GDAP1: variants seen among roughly 807,000 people sequenced by gnomAD.
GDAP1 encodes the protein ganglioside induced differentiation associated protein 1, also known as ganglioside-induced differentiation-associated protein 1.
Under a neutral mutation model 40.1 loss-of-function variants are expected in GDAP1, and 34 were observed. That is an observed-to-expected ratio of 0.85 (90% CI 0.64 to 1.13). GDAP1 has a LOEUF of 1.13. Ranked by LOEUF, GDAP1 falls within the 50% of genes most tolerant of loss-of-function variation. The pLI is 0.00. For missense variants in GDAP1, 374 were observed against 433.7 expected, an observed-to-expected ratio of 0.86 and a Z score of 1.22; for synonymous variants, 170 against 157.4, an observed-to-expected ratio of 1.08 and a Z score of -0.60.
intron 2 of GDAP1, among the ~76,000 whole-genome samples, chr8:74,474,311 C>G (rs529118698): frequency 2.0e-5 from 3 of 152,106 alleles, no homozygotes; most frequent in Admixed American, 6.6e-5. Flanking sequence ...TTGTTCTGGC[C>G]AGGACTTCCA....
At chr8:74,438,294 A>G (rs1806118784) in intron 2 of GDAP1, among the ~76,000 whole-genome samples, 1 of 151,402 alleles carries the variant, frequency 6.6e-6, no homozygotes, top group Non-Finnish European at 1.5e-5. Context: ...ACAACAAAAA[A>G]AGAAGGGCTG....
intron 2 of GDAP1, among the ~76,000 whole-genome samples, chr8:74,480,126 T>C (rs1032980800): frequency 5.3e-5 from 8 of 151,832 alleles, no homozygotes; most frequent in African/African-American, 1.9e-4. Context: ...GTAGCTGGGA[T>C]TATAGGCGCA....
At chr8:74,351,844 A>C (rs1402828816) in intron 2 of GDAP1, among the ~76,000 whole-genome samples, 1 of 152,342 alleles carries the variant, frequency 6.6e-6, no homozygotes, top group Admixed American at 6.5e-5. Context: ...CTTAAAAACA[A>C]GAGGGAAAAA....
chr8:74,380,820 G>T (rs1156603876), intron 2 of GDAP1, among the ~76,000 whole-genome samples: 1 of 152,150 alleles, frequency 6.6e-6, no homozygotes, highest in African/African-American at 2.4e-5. Flanking sequence ...TACACACCAT[G>T]ATTTTTCTCT....
chr8:74,366,455 C>T lies in GDAP1; in HGVS notation c.*2088C>T. On this transcript the variant is annotated 3_prime_UTR_variant, in exon 6 of 6. Coordinates refer to ENST00000220822, the MANE Select transcript of GDAP1 (RefSeq NM_018972.4). ...GCTTGAGGCAAATGTGAGTGATTTCCAGTGCTTTGAAAGGGATTACAGTAT... is the reference window on the plus strand; with the variant it reads ...GCTTGAGGCAAATGTGAGTGATTTCTAGTGCTTTGAAAGGGATTACAGTAT... 2.2e-6 allele frequency: 1 copy of T among 454,440 alleles called. No homozygotes were observed. Among genetic ancestry groups the T allele is most frequent in the South Asian group, 1.6e-5 (1 of 64,470 alleles). 28.2% of individuals were successfully genotyped at this position (454,440 alleles called of 1,614,324 possible).
downstream of GDAP1, among the ~76,000 whole-genome samples, chr8:74,368,266 A>G (rs1809693389): frequency 2.0e-5 from 3 of 152,194 alleles, no homozygotes; most frequent in South Asian, 6.2e-4. Context: ...TATGACCAGC[A>G]TGTATAAGTA....
intron 2 of GDAP1, among the ~76,000 whole-genome samples, chr8:74,477,643 G>T (rs1264194441): frequency 1.3e-5 from 2 of 152,124 alleles, no homozygotes; most frequent in South Asian, 2.1e-4. Context: ...GCTCCTTAAG[G>T]TTAGAAACCT....
chr8:74,397,842 C>T (rs980718126), intron 2 of GDAP1, among the ~76,000 whole-genome samples: 2 of 151,600 alleles, frequency 1.3e-5, no homozygotes, highest in Non-Finnish European at 1.5e-5. Context: ...GATGCGGGCT[C>T]TTTTTTGGTT....
intron 2 of GDAP1, among the ~76,000 whole-genome samples, chr8:74,389,404 G>A (rs551706730): frequency 2.6e-5 from 4 of 152,138 alleles, no homozygotes; most frequent in Admixed American, 2.6e-4. Context: ...TTGCTTTTTT[G>A]TAAAGGATTT....
chr8:74,374,774 C>CT (rs1336236796), intron 2 of GDAP1, among the ~76,000 whole-genome samples: 6 of 151,990 alleles, frequency 3.9e-5, no homozygotes, highest in African/African-American at 1.2e-4. Context: ...AAAAATACAA[C>CT]TTCTCAAAAG....
At chr8:74,465,417 A>G (rs1304106847) in intron 2 of GDAP1, among the ~76,000 whole-genome samples, 1 of 151,758 alleles carries the variant, frequency 6.6e-6, no homozygotes, top group East Asian at 1.9e-4. Context: ...TTTACCTACA[A>G]AGTACTGCTG....
rs1806253199 is a variant in GDAP1, at chr8:74,447,970, A to T, written c.166-40708A>T. ...TAAAAACAATTCTGAAATCTGAAAC[A>T]GTTCTGGTACTGTGTTTTGGATAAG... On this transcript the variant is annotated intron_variant, in intron 2 of 2. Transcript: ENST00000523640. Among the ~76,000 whole-genome samples the T allele has an allele frequency of 2.0e-5, 3 of 152,228 alleles. No individual in the cohort carries two copies. The South Asian group carries it at 6.2e-4, about 32-fold the overall frequency.
intron 2 of GDAP1, among the ~76,000 whole-genome samples, chr8:74,434,663 C>T (rs1021338640): frequency 2.0e-5 from 3 of 152,168 alleles, no homozygotes; most frequent in Non-Finnish European, 2.9e-5. Flanking sequence ...GGCCTTATAC[C>T]ATGCCCCTTC....
intron 2 of GDAP1, among the ~76,000 whole-genome samples, chr8:74,418,417 G>A (rs949807603): frequency 5.9e-5 from 9 of 152,172 alleles, no homozygotes; most frequent in Non-Finnish European, 1.3e-4. Context: ...TAACAAAGAA[G>A]CAAAGGCAAT....
At chr8:74,450,508 A>G (rs1806288916) in intron 2 of GDAP1, among the ~76,000 whole-genome samples, 1 of 151,852 alleles carries the variant, frequency 6.6e-6, no homozygotes, top group African/African-American at 2.4e-5. Context: ...ATGGATTTGA[A>G]TGACTGTATA....
chr8:74,465,136 C>T (rs1806452502), intron 2 of GDAP1, among the ~76,000 whole-genome samples: 1 of 151,984 alleles, frequency 6.6e-6, no homozygotes, highest in African/African-American at 2.4e-5. Flanking sequence ...AGGAGAATTG[C>T]TTAAACCCGG....
In GDAP1 at chr8:74,377,235, A is replaced by ATAC. The variant is rs1563451503; in HGVS notation, c.165+25914_165+25915insTAC. ...GTTATAACTGCCTGTTTTCTTAAAG[A>ATAC]CATTAAGAAAATGAAAAGCCAAACC... On this transcript the variant is annotated intron_variant, in intron 2 of 2. Coordinates refer to the GDAP1 transcript ENST00000523640. Among the ~76,000 whole-genome samples, 3 of 152,140 alleles carry ATAC rather than the reference A, an allele frequency of 2.0e-5. No individual in the cohort carries two copies. The South Asian group carries it at 6.2e-4, about 32-fold the overall frequency.
chr8:74,480,836 T>C (rs1364925161), intron 2 of GDAP1, among the ~76,000 whole-genome samples: 3 of 152,210 alleles, frequency 2.0e-5, no homozygotes, highest in Non-Finnish European at 4.4e-5. Context: ...AGGGTGGAAG[T>C]TGGCAGAACA....
chr8:74,393,202 AAT>A (rs1203955387), intron 2 of GDAP1, among the ~76,000 whole-genome samples: 3 of 152,172 alleles, frequency 2.0e-5, no homozygotes, highest in Admixed American at 2.0e-4. Flanking sequence ...ATCTAATTTA[AAT>A]AGTTATTTTT....
Sources: gnomAD v4.1 joint callset for allele counts (sites outside exome capture counted in the v4.1 genomes callset) on GRCh38, gnomAD v4.1.1 for gene constraint, MANE v1.5 for transcripts, NCBI Gene and HGNC (gene_info 2026-07-23, HGNC 2026-07-21) for gene names.